Variants in XIRP2 observed in about 807,000 individuals in gnomAD.
The protein encoded by XIRP2 is xin actin-binding repeat-containing protein 2.
XIRP2 carries 236 observed loss-of-function variants against 277.0 expected under a neutral mutation model. That is an observed-to-expected ratio of 0.85 (90% CI 0.77 to 0.95). XIRP2 has a LOEUF of 0.95. Ranked by LOEUF, XIRP2 falls within the 40% of genes least tolerant of loss-of-function variation. The pLI is 0.00. For missense variants in XIRP2, 4,640 were observed against 4,157.5 expected (o/e 1.12, Z -3.19); for synonymous variants, 1,490 against 1,416.5 (o/e 1.05, Z -1.17).
chr2:167,233,808 C>T (rs1297281818), intron 5 of XIRP2, among the ~76,000 whole-genome samples: 1 of 151,328 alleles, frequency 6.6e-6, no homozygotes, highest in Non-Finnish European at 1.5e-5. Context: ...ATCCTAGTGT[C>T]TCTGGTTTTA....
At chr2:167,228,386 A>G (rs1330042390) in intron 5 of XIRP2, among the ~76,000 whole-genome samples, 1 of 152,142 alleles carries the variant, frequency 6.6e-6, no homozygotes, top group African/African-American at 2.4e-5. Context: ...TCCTTCCCCT[A>G]TGGGAACATG....
At chr2:167,150,550 C>G (rs1691988231) in intron 3 of XIRP2, among the ~76,000 whole-genome samples, 2 of 151,818 alleles carry the variant, frequency 1.3e-5, no homozygotes, top group African/African-American at 4.8e-5. Context: ...TCATCCATTA[C>G]CTAAATATAA....
At chr2:166,901,942 T>G (rs1684397418) in intron 1 of XIRP2, among the ~76,000 whole-genome samples, 1 of 152,100 alleles carries the variant, frequency 6.6e-6, no homozygotes, top group Admixed American at 6.6e-5. Context: ...AATATTTGAG[T>G]GATTGAAATG....
chr2:166,971,254 T>C (rs1362850652), intron 2 of XIRP2, among the ~76,000 whole-genome samples: 1 of 152,042 alleles, frequency 6.6e-6, no homozygotes. Flanking sequence ...CTATGGATGA[T>C]TTTGCTAATT....
chr2:166,933,676 A>G (rs930085456), intron 2 of XIRP2, among the ~76,000 whole-genome samples: 2 of 152,074 alleles, frequency 1.3e-5, no homozygotes, highest in Non-Finnish European at 2.9e-5. Flanking sequence ...AAATAATTCT[A>G]TAAAGTTAAA....
In XIRP2 at chr2:167,250,422, A is replaced by G. The variant is rs1485677071; in HGVS notation, c.9030A>G (p.Glu3010=). 1 of 1,613,514 alleles carries G rather than the reference A, an allele frequency of 6.2e-7. No homozygotes were observed. Among genetic ancestry groups the G allele is most frequent in the African/African-American group, 1.3e-5 (1 of 74,954 alleles). Residue 3010 remains glutamate, a synonymous_variant, in exon 9 of 11, where the codon GAA becomes GAG. Coordinates refer to ENST00000409195, the MANE Select transcript of XIRP2 (RefSeq NM_152381.6). ...AGAATAATTTAGAAAAAGTAAAAGA[A>G]GAAATAACACATATTAAAACTCAAG... ...AMENNLEKVK[E]EITHIKTQAE...
chr2:167,187,622 CAA>C, intron 3 of XIRP2: 4 of 843,338 alleles, frequency 4.7e-6, no homozygotes, highest in Non-Finnish European at 5.7e-6. Context: ...GACCATAGGT[CAA>C]ATTGTAATCA....
At chr2:166,920,601 C>A (rs1685011551) in intron 2 of XIRP2, among the ~76,000 whole-genome samples, 1 of 152,114 alleles carries the variant, frequency 6.6e-6, no homozygotes, top group African/African-American at 2.4e-5. Context: ...GGATTTTCCC[C>A]TTTTCTTACA....
intron 2 of XIRP2, among the ~76,000 whole-genome samples, chr2:166,988,288 C>T (rs1040507684): frequency 6.6e-5 from 10 of 152,140 alleles, no homozygotes; most frequent in Admixed American, 5.9e-4. Flanking sequence ...GGACATTCTA[C>T]TAACTGCCTG....
chr2:166,988,877 G>C (rs1427770561), intron 2 of XIRP2, among the ~76,000 whole-genome samples: 4,521 of 76,276 alleles, frequency 0.059, no homozygotes, highest in East Asian at 0.12. Flanking sequence ...AGGCGGCAAC[G>C]AGGCTGGGGG....
At chr2:167,217,282 A>G (rs1694280521) in intron 4 of XIRP2, among the ~76,000 whole-genome samples, 1 of 128,266 alleles carries the variant, frequency 7.8e-6, no homozygotes, top group Non-Finnish European at 1.5e-5. Context: ...TTAAAGTATA[A>G]TAAAAAAAAA....
chr2:166,907,481 CAT>C (rs1419330829), intron 2 of XIRP2, among the ~76,000 whole-genome samples: 3 of 152,258 alleles, frequency 2.0e-5, no homozygotes, highest in Admixed American at 6.5e-5. Flanking sequence ...TGATGTCACT[CAT>C]GTGTCTATGG....
At chr2:166,970,929 A>G (rs1686560767) in intron 2 of XIRP2, among the ~76,000 whole-genome samples, 1 of 152,000 alleles carries the variant, frequency 6.6e-6, no homozygotes. Flanking sequence ...AAGCCAATAC[A>G]TATGAGAACT....
chr2:167,204,884 A>T (rs1693814167), intron 3 of XIRP2, among the ~76,000 whole-genome samples: 1 of 152,136 alleles, frequency 6.6e-6, no homozygotes, highest in South Asian at 2.1e-4. Context: ...TATTTCTCCA[A>T]AGATTCATAA....
intron 2 of XIRP2, among the ~76,000 whole-genome samples, chr2:167,097,441 G>A (rs1690355133): frequency 6.6e-6 from 1 of 151,832 alleles, no homozygotes; most frequent in African/African-American, 2.4e-5. Context: ...TTGAGCCTAT[G>A]TGTGTCTTCA....
intron 3 of XIRP2, among the ~76,000 whole-genome samples, chr2:167,149,559 GC>G (rs1691954559): frequency 6.6e-6 from 1 of 151,990 alleles, no homozygotes; most frequent in Non-Finnish European, 1.5e-5. Flanking sequence ...TAGTACTTAG[GC>G]AATAGTCTGT....
intron 2 of XIRP2, among the ~76,000 whole-genome samples, chr2:167,000,332 T>A (rs1259081145): frequency 6.6e-6 from 1 of 152,126 alleles, no homozygotes; most frequent in Non-Finnish European, 1.5e-5. Flanking sequence ...TTTTAATTTC[T>A]TTTTTGCTTG....
intron 2 of XIRP2, among the ~76,000 whole-genome samples, chr2:167,004,413 T>G (rs1452185450): frequency 2.6e-5 from 4 of 151,888 alleles, no homozygotes; most frequent in Non-Finnish European, 5.9e-5. Flanking sequence ...TGCCAGACAT[T>G]CTATTGATTA....
chr2:167,255,185 C>T lies in XIRP2; in HGVS notation c.*39+1020C>T, dbSNP rs114233239. Among the ~76,000 whole-genome samples the T allele has an allele frequency of 3.3e-3, 504 of 151,912 alleles. 4 individuals are homozygous for T. Among genetic ancestry groups the T allele is most frequent in the African/African-American group, 0.011 (455 of 41,502 alleles). Reference sequence around the variant, plus strand: ...TCTTCTTTCTAGTGAATCACATCCACTCCCATGATTTAAATAATCTATGTG... The same window carrying T: ...TCTTCTTTCTAGTGAATCACATCCATTCCCATGATTTAAATAATCTATGTG... On this transcript the variant is annotated intron_variant, in intron 10 of 10. Coordinates refer to ENST00000409195, the MANE Select transcript of XIRP2 (RefSeq NM_152381.6).
Sources: gnomAD v4.1 joint callset for allele counts (sites outside exome capture counted in the v4.1 genomes callset) on GRCh38, gnomAD v4.1.1 for gene constraint, MANE v1.5 for transcripts, NCBI Gene and HGNC (gene_info 2026-07-23, HGNC 2026-07-21) for gene names.